Variants in LRRTM3 observed in about 807,000 individuals in gnomAD.
The protein encoded by LRRTM3 is leucine-rich repeat transmembrane neuronal protein 3.
In LRRTM3, 24 loss-of-function variants were observed where a neutral mutation model predicts 44.7. The observed-to-expected ratio is 0.54, with a 90% CI of 0.39 to 0.76. The LOEUF (loss-of-function observed/expected upper bound fraction) is 0.76. Among genes scored for constraint, LRRTM3 ranks in the 30% least tolerant of loss-of-function variants. LRRTM3 has a pLI of 0.00. For missense variants in LRRTM3, 587 were observed against 702.2 expected (o/e 0.84, Z 1.85); for synonymous variants, 277 against 278.7 (o/e 0.99, Z 0.06).
chr10:66,970,879 C>A (rs533952252), intron 2 of LRRTM3, among the ~76,000 whole-genome samples: 2 of 152,184 alleles, frequency 1.3e-5, no homozygotes, highest in East Asian at 3.9e-4. Flanking sequence ...CAAGATAATA[C>A]AGATCTCAAG....
chr10:67,014,309 T>C (rs1852519841), intron 2 of LRRTM3, among the ~76,000 whole-genome samples: 1 of 152,126 alleles, frequency 6.6e-6, no homozygotes, highest in Non-Finnish European at 1.5e-5. Flanking sequence ...AAATTGTAAT[T>C]TATGTCATTC....
chr10:67,096,180 C>A (rs976272385), intron 2 of LRRTM3, among the ~76,000 whole-genome samples: 1 of 151,644 alleles, frequency 6.6e-6, no homozygotes, highest in African/African-American at 2.4e-5. Flanking sequence ...AGCAAATAAT[C>A]TTAAAAGAAG....
chr10:66,962,024 C>T (rs1317331107), intron 2 of LRRTM3, among the ~76,000 whole-genome samples: 2 of 152,170 alleles, frequency 1.3e-5, no homozygotes, highest in Non-Finnish European at 2.9e-5. Context: ...CATATTGCCA[C>T]TACTCTGGTT....
At chr10:66,987,735 A>T (rs1850813642) in intron 2 of LRRTM3, among the ~76,000 whole-genome samples, 2 of 152,206 alleles carry the variant, frequency 1.3e-5, no homozygotes, top group Admixed American at 1.3e-4. Flanking sequence ...TGCTGGCAAA[A>T]TAAAAATTAT....
chr10:67,041,665 A>G (rs988161186), intron 2 of LRRTM3, among the ~76,000 whole-genome samples: 2 of 152,156 alleles, frequency 1.3e-5, no homozygotes, highest in Non-Finnish European at 2.9e-5. Flanking sequence ...TAAAATTGGC[A>G]TGTGTCTATT....
At chr10:67,091,486 A>G (rs1857635175) in intron 2 of LRRTM3, among the ~76,000 whole-genome samples, 1 of 151,714 alleles carries the variant, frequency 6.6e-6, no homozygotes, top group African/African-American at 2.4e-5. Flanking sequence ...AGACATGACC[A>G]CCCCCCAAAA....
At chr10:67,051,056 A>G (rs1454668822) in intron 2 of LRRTM3, among the ~76,000 whole-genome samples, 1 of 152,230 alleles carries the variant, frequency 6.6e-6, no homozygotes, top group Non-Finnish European at 1.5e-5. Flanking sequence ...ACCTTACAAT[A>G]TGGGAAGATA....
chr10:67,038,113 ATGAG>A (rs1854176791), intron 2 of LRRTM3, among the ~76,000 whole-genome samples: 1 of 152,140 alleles, frequency 6.6e-6, no homozygotes, highest in Non-Finnish European at 1.5e-5. Context: ...TACTGTTTAT[ATGAG>A]TATTGTAGAG....
At chr10:66,981,567 T>C (rs563031019) in intron 2 of LRRTM3, among the ~76,000 whole-genome samples, 201 of 152,326 alleles carry the variant, frequency 1.3e-3, no homozygotes, top group Non-Finnish European at 2.4e-3. Context: ...CACATTTTCT[T>C]CCTTCTGTAG....
At chr10:67,026,814 C>T (rs904640468) in intron 2 of LRRTM3, among the ~76,000 whole-genome samples, 51 of 152,292 alleles carry the variant, frequency 3.3e-4, no homozygotes, top group African/African-American at 1.1e-3. Context: ...AAACTCTTCT[C>T]ATGTGTTAAT....
At chr10:66,961,944 C>A (rs1183358516) in intron 2 of LRRTM3, among the ~76,000 whole-genome samples, 1 of 152,130 alleles carries the variant, frequency 6.6e-6, no homozygotes, top group African/African-American at 2.4e-5. Flanking sequence ...CCACTTCCAA[C>A]TCATCACTAA....
chr10:67,035,564 T>C (rs148259003), intron 2 of LRRTM3, among the ~76,000 whole-genome samples: 1,672 of 152,270 alleles, frequency 0.011, 30 homozygotes, highest in African/African-American at 0.038. Flanking sequence ...GAGAACTTTT[T>C]GACACACAAT....
intron 2 of LRRTM3, among the ~76,000 whole-genome samples, chr10:67,039,522 A>T (rs1306757743): frequency 1.3e-5 from 2 of 152,182 alleles, no homozygotes; most frequent in South Asian, 4.1e-4. Flanking sequence ...TGGGTGATGC[A>T]TAATAATTTA....
At chr10:67,089,580 T>G (rs529241634) in intron 2 of LRRTM3, among the ~76,000 whole-genome samples, 1 of 152,010 alleles carries the variant, frequency 6.6e-6, no homozygotes, top group African/African-American at 2.4e-5. Flanking sequence ...CTCAGCAATA[T>G]GGACTCTTGC....
rs541207077 is a variant in LRRTM3, at chr10:67,084,211, C to A, written c.1537-13376C>A. ...AGCTCAGAGATTTAAGCAATCTATC[C>A]TCATATGTATTGTTCCTTGAGTTAT... On this transcript the variant is annotated intron_variant, in intron 2 of 2. Transcript: ENST00000361320. 1.4e-3 allele frequency among the ~76,000 whole-genome samples: 215 copies of A among 152,106 alleles called. 1 individual carries two copies. The highest frequency in any genetic ancestry group is 5.1e-3 in the African/African-American group (210 of 41,516).
Position 66,937,700 on chromosome 10 carries a change from G to T in LRRTM3, c.1536+9248G>T, listed in dbSNP as rs1480770017. On this transcript the variant is annotated intron_variant, in intron 2 of 2. Transcript: ENST00000361320. ...CCTTTATTGCCCTACCCTTTCCCAT[G>T]CTCTACCACTGGCAGGTTCTCAAAG... Among the ~76,000 whole-genome samples the T allele has an allele frequency of 2.0e-5, 3 of 152,138 alleles. No homozygotes were observed. The East Asian group carries it at 5.8e-4, about 29-fold the overall frequency.
At chr10:67,012,103 C>T (rs1852375274) in intron 2 of LRRTM3, among the ~76,000 whole-genome samples, 1 of 152,226 alleles carries the variant, frequency 6.6e-6, no homozygotes, top group African/African-American at 2.4e-5. Flanking sequence ...AAACACAACT[C>T]TCTCTGGCTC....
chr10:67,092,003 T>G (rs796855935), intron 2 of LRRTM3, among the ~76,000 whole-genome samples: 12 of 152,104 alleles, frequency 7.9e-5, no homozygotes, highest in African/African-American at 2.6e-4. Context: ...TGAAAACCCC[T>G]TAAGTTTAGT....
intron 2 of LRRTM3, among the ~76,000 whole-genome samples, chr10:67,074,948 A>G (rs1437907731): frequency 6.6e-6 from 1 of 151,968 alleles, no homozygotes; most frequent in Non-Finnish European, 1.5e-5. Flanking sequence ...GTAGCTCTCT[A>G]CCTCCCTTTT....
Sources: allele counts gnomAD v4.1 joint callset (sites outside exome capture counted in the v4.1 genomes callset), GRCh38; gene constraint gnomAD v4.1.1; transcripts MANE v1.5; gene names NCBI Gene and HGNC (gene_info 2026-07-23, HGNC 2026-07-21).